Variants in MAPK8IP3 observed in about 807,000 individuals in gnomAD.
MAPK8IP3 encodes C-Jun-amino-terminal kinase-interacting protein 3.
Under a neutral mutation model 157.8 loss-of-function variants are expected in MAPK8IP3, and 49 were observed. That is an observed-to-expected ratio of 0.31 (90% CI 0.25 to 0.39). The LOEUF (loss-of-function observed/expected upper bound fraction) is 0.39. MAPK8IP3 is among the 10% of genes least tolerant of loss of function. The pLI, the probability that MAPK8IP3 is intolerant of heterozygous loss-of-function variation, is 1.00. For missense variants in MAPK8IP3, 1,478 were observed against 1,889.4 expected, an observed-to-expected ratio of 0.78 and a Z score of 4.04; for synonymous variants, 897 against 777.7, an observed-to-expected ratio of 1.15 and a Z score of -2.55.
Position 1,744,143 on chromosome 16 carries a change from C to A in MAPK8IP3, c.747+667C>A, listed in dbSNP as rs1249686787. Reference sequence around the variant, plus strand: ...AGGCCACTCCTTCAGGGCCCCAGGTCGCTTGCTGCCAGTTTTGGCCTGTGA... The same window carrying A: ...AGGCCACTCCTTCAGGGCCCCAGGTAGCTTGCTGCCAGTTTTGGCCTGTGA... On this transcript the variant is annotated intron_variant, in intron 5 of 31. Coordinates refer to ENST00000610761, the MANE Select transcript of MAPK8IP3 (RefSeq NM_001318852.2). The A allele has an allele frequency of 5.1e-6, 5 of 985,528 alleles. No homozygotes were observed. In the South Asian group the frequency reaches 2.3e-4, roughly 46 times the overall value. 61.0% of individuals were successfully genotyped at this position (985,528 alleles called of 1,614,324 possible).
chr16:1,742,765 T>C lies in MAPK8IP3; in HGVS notation c.603-567T>C, dbSNP rs565039929. Among the ~76,000 whole-genome samples the C allele has an allele frequency of 1.3e-5, 2 of 152,278 alleles. No homozygotes were observed. Among genetic ancestry groups the C allele is most frequent in the East Asian group, 3.9e-4 (2 of 5,176 alleles). On this transcript the variant is annotated intron_variant, in intron 4 of 31. Transcript: ENST00000610761. The surrounding 1 kb of genome is among the most constrained non-coding windows in gnomAD (Gnocchi z 5.0). ...GGTGGCCGTGCAGCGCTGACCGTGA[T>C]GCCAAGTCCCGTGGCTGGCTCTGCT...
At chr16:1,738,047 C>T (rs1333665942) in intron 4 of MAPK8IP3, among the ~76,000 whole-genome samples, 1 of 67,232 alleles carries the variant, frequency 1.5e-5, no homozygotes, top group Non-Finnish European at 2.7e-5. Context: ...AGCGTGTGAC[C>T]GTCCGTGTGA....
rs370820984 is a variant in MAPK8IP3 at position 1,761,203 on chromosome 16, G to A, written c.1458-21G>A. 4.4e-6 allele frequency: 7 copies of A among 1,609,058 alleles called. No individual in the cohort carries two copies. In the African/African-American group the frequency reaches 8.0e-5, roughly 18 times the overall value. Reference sequence around the variant, plus strand: ...CCCCTGGGAGGCCCTCACCCTCCCTGCCTCCTTCCCCTTCCCACAGAGTGA... The same window carrying A: ...CCCCTGGGAGGCCCTCACCCTCCCTACCTCCTTCCCCTTCCCACAGAGTGA... On this transcript the variant is annotated intron_variant, in intron 12 of 31. Coordinates refer to ENST00000610761, the MANE Select transcript of MAPK8IP3 (RefSeq NM_001318852.2).
chr16:1,716,262 T>A (rs2038141913), intron 1 of MAPK8IP3, among the ~76,000 whole-genome samples: 1 of 151,772 alleles, frequency 6.6e-6, no homozygotes, highest in Admixed American at 6.6e-5. Flanking sequence ...CTGAAAAAAC[T>A]GGCTTGGATT....
At position 1,706,751 on chromosome 16, in the gene MAPK8IP3, G is replaced by A. The variant is rs1347169455; in HGVS notation, c.318+94G>A. On this transcript the variant is annotated intron_variant, in intron 1 of 31. Transcript: ENST00000610761. The surrounding 1 kb of genome is among the most constrained non-coding windows in gnomAD (Gnocchi z 5.1). ...AACACCCGTCCCGACCCCAGACCCC[G>A]CTCCGGCACCCCGGACCGCGGGACC... is the stretch of plus-strand genomic sequence containing the variant. 1.6e-6 allele frequency: 2 copies of A among 1,229,742 alleles called. No homozygotes were observed. Among genetic ancestry groups the A allele is most frequent in the Non-Finnish European group, 1.0e-6 (1 of 969,730 alleles). 76.2% of individuals were successfully genotyped at this position (1,229,742 alleles called of 1,614,324 possible).
rs566370487 is a variant in MAPK8IP3 at position 1,738,114 on chromosome 16, C to A, written c.603-5218C>A. Among the ~76,000 whole-genome samples, 19 of 69,424 alleles carry A rather than the reference C, an allele frequency of 2.7e-4. 1 individual carries two copies. Among genetic ancestry groups the A allele is most frequent in the Non-Finnish European group, 4.2e-4 (17 of 40,204 alleles). 45.5% of individuals were successfully genotyped at this position (69,424 alleles called of 152,430 possible). ...TCCATGTGAGCATCCATGTGACCGTCCGTGTGAGCGTGACTGTCCGTGTGT... is the reference window on the plus strand; with the variant it reads ...TCCATGTGAGCATCCATGTGACCGTACGTGTGAGCGTGACTGTCCGTGTGT... On this transcript the variant is annotated intron_variant, in intron 4 of 31. Coordinates refer to ENST00000610761, the MANE Select transcript of MAPK8IP3 (RefSeq NM_001318852.2).
intron 6 of MAPK8IP3, among the ~76,000 whole-genome samples, chr16:1,747,624 G>A (rs2041044009): frequency 6.6e-6 from 1 of 152,170 alleles, no homozygotes; most frequent in African/African-American, 2.4e-5. Flanking sequence ...TCCAAATACA[G>A]TCATGCTAGG....
intron 4 of MAPK8IP3, among the ~76,000 whole-genome samples, chr16:1,737,496 G>C (rs545671392): frequency 1.2e-5 from 1 of 83,684 alleles, no homozygotes; most frequent in Non-Finnish European, 2.4e-5. Context: ...CCGTGTGAGC[G>C]TCCGTGTGAG....
chr16:1,765,848 C>T, intron 20 of MAPK8IP3, 112 bp from the exon 21 acceptor site: 2 of 1,009,896 alleles, frequency 2.0e-6, no homozygotes, highest in Non-Finnish European at 2.9e-6. Flanking sequence ...GCTGGGTCTG[C>T]TGGGAAAGTG....
Position 1,768,467 on chromosome 16 carries a change from G to A in MAPK8IP3, c.3743-10G>A, listed in dbSNP as rs1229720417. On this transcript the variant is annotated splice_polypyrimidine_tract_variant and intron_variant, in intron 30 of 31. Coordinates refer to ENST00000610761, the MANE Select transcript of MAPK8IP3 (RefSeq NM_001318852.2). ...GAGGCCGCTGTCCTGAATCGCTTCTGCCATCCCAGGGAACGTGCTGGCCAC... is the reference window on the plus strand; with the variant it reads ...GAGGCCGCTGTCCTGAATCGCTTCTACCATCCCAGGGAACGTGCTGGCCAC... 1.3e-6 allele frequency: 2 copies of A among 1,575,342 alleles called. No homozygotes were observed. The highest frequency in any genetic ancestry group is 1.7e-4 in the Middle Eastern group (1 of 6,030).
chr16:1,768,052 T>TC lies in MAPK8IP3; in HGVS notation c.3524-15dup, dbSNP rs1187461145. On this transcript the variant is annotated splice_polypyrimidine_tract_variant and intron_variant, in intron 28 of 31. Coordinates refer to ENST00000610761, the MANE Select transcript of MAPK8IP3 (RefSeq NM_001318852.2). ...TGACCGCTCTCCTCTTCTCCCATGC[T>TC]CCTCCCATGTCCCCAGCTGTGGTCC... The TC allele has an allele frequency of 6.2e-7, 1 of 1,612,144 alleles. No individual in the cohort carries two copies. Among genetic ancestry groups the TC allele is most frequent in the Non-Finnish European group, 8.5e-7 (1 of 1,179,938 alleles).
chr16:1,761,120 T>C, intron 12 of MAPK8IP3, 104 bp from the exon 13 acceptor site: 1 of 912,146 alleles, frequency 1.1e-6, no homozygotes, highest in Admixed American at 1.7e-5. Context: ...CCCCCAGCCC[T>C]GCACAGAGGC....
chr16:1,737,330 ATCC>A (rs2040035747), intron 4 of MAPK8IP3, among the ~76,000 whole-genome samples: 1 of 52,608 alleles, frequency 1.9e-5, no homozygotes, highest in Non-Finnish European at 3.4e-5. Context: ...CCGTGTGAGC[ATCC>A]GTGTGAGCGT....
chr16:1,738,393 TGACC>T (rs2040242210), intron 4 of MAPK8IP3, among the ~76,000 whole-genome samples: 2 of 96,434 alleles, frequency 2.1e-5, no homozygotes, highest in African/African-American at 4.6e-5. Flanking sequence ...AGCATCCGTG[TGACC>T]GTGTGAGCGT....
At position 1,741,266 on chromosome 16, in the gene MAPK8IP3, A is replaced by G. The variant is rs2141840216; in HGVS notation, c.603-2066A>G. 6.6e-6 allele frequency among the ~76,000 whole-genome samples: 1 copy of G among 152,214 alleles called. No individual in the cohort carries two copies. Among genetic ancestry groups the G allele is most frequent in the African/African-American group, 2.4e-5 (1 of 41,548 alleles). ...TCCCCTGAGGGAGCTGCGAGGACAA[A>G]TCGGGAGGACGGGGTCAGTCGGCAA... On this transcript the variant is annotated intron_variant, in intron 4 of 31. Transcript: ENST00000610761. This position sits in a 1 kb window ranked among gnomAD's most constrained non-coding sequence, Gnocchi z 6.9.
chr16:1,768,191 C>A lies in MAPK8IP3; in HGVS notation c.3563-8C>A, dbSNP rs1033900353. 1 of 1,611,984 alleles carries A rather than the reference C, an allele frequency of 6.2e-7. No individual in the cohort carries two copies. The highest frequency in any genetic ancestry group is 8.5e-7 in the Non-Finnish European group (1 of 1,179,566). On this transcript the variant is annotated splice_region_variant and splice_polypyrimidine_tract_variant and intron_variant, in intron 29 of 31. Coordinates refer to ENST00000610761, the MANE Select transcript of MAPK8IP3 (RefSeq NM_001318852.2). The stretch of plus-strand genomic sequence containing the variant: ...CGGGCTCAGCGCCTCTGGGTTCTCT[C>A]CCTGCAGCCAATAAGACATCCCCCA...
At chr16:1,709,918 C>G (rs188879640) in intron 1 of MAPK8IP3, among the ~76,000 whole-genome samples, 1 of 152,186 alleles carries the variant, frequency 6.6e-6, no homozygotes, top group East Asian at 1.9e-4. Flanking sequence ...GGTAACACCC[C>G]CCAGGCTCAT....
chr16:1,766,437 G>A, intron 22 of MAPK8IP3, 28 bp downstream of exon 22: 1 of 1,605,994 alleles, frequency 6.2e-7, no homozygotes, highest in Non-Finnish European at 8.5e-7. Context: ...GGCAGGAGCA[G>A]AGGGAAGGCT....
intron 9 of MAPK8IP3, 26 bp downstream of exon 9, chr16:1,758,185 C>G (rs2041726816): frequency 1.2e-6 from 2 of 1,613,296 alleles, no homozygotes; most frequent in Non-Finnish European, 1.7e-6. Context: ...TCCTGTCTGT[C>G]TCCCCTCTGT....
Sources: allele counts gnomAD v4.1 joint callset (sites outside exome capture counted in the v4.1 genomes callset), GRCh38; gene constraint gnomAD v4.1.1; non-coding constraint Gnocchi (gnomAD v3.1); transcripts MANE v1.5; gene names NCBI Gene and HGNC (gene_info 2026-07-23, HGNC 2026-07-21).